The following TMCC3 variants were observed in gnomAD, a reference collection of about 807,000 sequenced individuals.
TMCC3 encodes transmembrane and coiled-coil domain protein 3.
A neutral mutation model predicts 40.2 loss-of-function variants in TMCC3; 28 were observed. That is an observed-to-expected ratio of 0.70 (90% CI 0.52 to 0.95). The LOEUF (loss-of-function observed/expected upper bound fraction) is 0.95. TMCC3 is among the 40% of genes least tolerant of loss of function. The pLI is 0.00. For missense variants in TMCC3, 554 were observed against 615.2 expected (o/e 0.90, Z 1.05); for synonymous variants, 255 against 248.5 (o/e 1.03, Z -0.25).
intron 1 of TMCC3, among the ~76,000 whole-genome samples, chr12:94,641,169 C>G (rs1157404669): frequency 6.6e-6 from 1 of 151,040 alleles, no homozygotes; most frequent in Non-Finnish European, 1.5e-5. Context: ...CACTGCACTC[C>G]AGCCTGGGTG....
At chr12:94,625,576 A>G (rs7978996) in intron 1 of TMCC3, among the ~76,000 whole-genome samples, 49,245 of 146,452 alleles carry the variant, frequency 0.34, 8,824 homozygotes, top group Admixed American at 0.45. Flanking sequence ...TCTGGGCAAC[A>G]GAGCAAGACT....
At chr12:94,578,165 A>AAAGAAAG (rs1555281323) in intron 3 of TMCC3, among the ~76,000 whole-genome samples, 5 of 123,422 alleles carry the variant, frequency 4.1e-5, no homozygotes, top group South Asian at 5.4e-4. Flanking sequence ...AAAAAAAAAA[A>AAAGAAAG]AAAGAAAAAG....
chr12:94,570,588 G>C lies in TMCC3; in HGVS notation c.*847C>G, dbSNP rs778818593. The C allele has an allele frequency of 1.4e-4, 21 of 152,424 alleles. No homozygotes were observed. Among genetic ancestry groups the C allele is most frequent in the Admixed American group, 3.3e-4 (5 of 15,284 alleles). The allele number at this position is 152,424 out of a possible 1,614,324, so 9.4% of individuals were successfully genotyped here. On this transcript the variant is annotated 3_prime_UTR_variant, in exon 4 of 4. Transcript: ENST00000261226. ...CCTGAGCAATATTTAGCAGAGCCCTGTCTCAAAAAAGAAAAAAGATTTGCC... is the reference window on the plus strand; with the variant it reads ...CCTGAGCAATATTTAGCAGAGCCCTCTCTCAAAAAAGAAAAAAGATTTGCC...
rs112910497 is a variant in TMCC3 at position 94,610,774 on chromosome 12, C to A, written c.79-28236G>T. On this transcript the variant is annotated intron_variant, in intron 1 of 3. Coordinates refer to ENST00000261226, the MANE Select transcript of TMCC3 (RefSeq NM_020698.4). The stretch of plus-strand genomic sequence containing the variant: ...GACGCAGGGCTATGCCTACTGTGCA[C>A]GCTCATCTGTGCTTAAACGAGGGGT... Among the ~76,000 whole-genome samples, 759 of 152,242 alleles carry A rather than the reference C, an allele frequency of 5.0e-3. 6 individuals are homozygous for A. The highest frequency in any genetic ancestry group is 0.017 in the African/African-American group (713 of 41,514).
Position 94,650,425 on chromosome 12 carries a change from C to A in TMCC3, c.6G>T (p.Pro2=), listed in dbSNP as rs2069050875. 7.7e-6 allele frequency: 10 copies of A among 1,297,404 alleles called. No homozygotes were observed. Among genetic ancestry groups the A allele is most frequent in the South Asian group, 2.1e-5 (1 of 47,160 alleles). 80.4% of individuals were successfully genotyped at this position (1,297,404 alleles called of 1,614,324 possible). The part of the protein sequence containing the change: M[P]GSDTALTVDR... ...CCACGGTGAGCGCCGTGTCGCTGCC[C>A]GGCATCTCCGCGCTCCGGCCGCGAA... The change falls in exon 1 of 4, where the codon CCG becomes CCT. Residue 2 remains proline (P), a synonymous_variant. Coordinates refer to ENST00000261226, the MANE Select transcript of TMCC3 (RefSeq NM_020698.4).
Position 94,616,000 on chromosome 12 carries a change from G to C in TMCC3, c.79-33462C>G, listed in dbSNP as rs76677787. On this transcript the variant is annotated intron_variant, in intron 1 of 3. Transcript: ENST00000261226. ...CCTCCTGCCCGAGGCATTTGAATCT[G>C]CAAGGCAGGCAGGCTAGATATTCCA... 9,065 of 985,378 alleles carry C rather than the reference G, an allele frequency of 9.2e-3. 50 individuals carry two copies. Among genetic ancestry groups the C allele is most frequent in the Non-Finnish European group, 1.0e-2 (8,289 of 829,938 alleles). 61.0% of individuals were successfully genotyped at this position (985,378 alleles called of 1,614,324 possible).
chr12:94,640,717 G>A (rs1285392153), intron 1 of TMCC3, among the ~76,000 whole-genome samples: 1 of 152,162 alleles, frequency 6.6e-6, no homozygotes, highest in East Asian at 1.9e-4. Flanking sequence ...AACAACAAAT[G>A]TTGTAATGGG....
At chr12:94,580,161 C>A (rs1371043562) in intron 2 of TMCC3, among the ~76,000 whole-genome samples, 5 of 152,110 alleles carry the variant, frequency 3.3e-5, no homozygotes, top group African/African-American at 7.2e-5. Context: ...ATTTTATCTA[C>A]CTTTTTAGAA....
Position 94,650,523 on chromosome 12 carries a change from G to C in TMCC3, c.-93C>G. 2.9e-6 allele frequency: 3 copies of C among 1,039,360 alleles called. No individual in the cohort carries two copies. Among genetic ancestry groups the C allele is most frequent in the Non-Finnish European group, 3.6e-6 (3 of 822,032 alleles). The allele number at this position is 1,039,360 out of a possible 1,614,324, so 64.4% of individuals were successfully genotyped here. A position where few individuals can be genotyped will look rare whatever the true frequency, so the allele number is the denominator to read the frequency against. On this transcript the variant is annotated 5_prime_UTR_variant, in exon 1 of 4. Coordinates refer to ENST00000261226, the MANE Select transcript of TMCC3 (RefSeq NM_020698.4). ...CGGGATCACCCTGGGAGCCGCGGGC[G>C]AGGGGGCGGCGCGGCTGCTGCAGCT...
chr12:94,612,665 A>T (rs955277933), intron 1 of TMCC3, among the ~76,000 whole-genome samples: 6 of 152,242 alleles, frequency 3.9e-5, no homozygotes, highest in Admixed American at 6.5e-5. Flanking sequence ...CTACAACTAC[A>T]AAAAAGGAAT....
Position 94,582,191 on chromosome 12 carries a change from C to A in TMCC3, c.426G>T (p.Glu142Asp). 1 of 1,614,164 alleles carries A rather than the reference C, an allele frequency of 6.2e-7. No individual in the cohort carries two copies. The highest frequency in any genetic ancestry group is 8.5e-7 in the Non-Finnish European group (1 of 1,180,016). ...KLEQYHRKLREIEQNGASRSS... is the reference protein window; with the variant it reads ...KLEQYHRKLRDIEQNGASRSS... ...TCCTAGAGGCTCCATTCTGCTCGAT[C>A]TCTCTGAGCTTTCGATGATACTGCT... Residue 142 changes from glutamate to aspartate, a missense_variant, in exon 2 of 4, where the codon GAG becomes GAT. Physicochemically the swap from Glu to Asp is conservative, Grantham distance 45. Coordinates refer to ENST00000261226, the MANE Select transcript of TMCC3 (RefSeq NM_020698.4).
chr12:94,584,659 A>G (rs780019590), intron 1 of TMCC3, among the ~76,000 whole-genome samples: 7 of 151,194 alleles, frequency 4.6e-5, no homozygotes, highest in Non-Finnish European at 8.8e-5. Flanking sequence ...CACAACTTAC[A>G]AACATTCGTT....
chr12:94,586,423 A>G (rs563696250), intron 1 of TMCC3, among the ~76,000 whole-genome samples: 1 of 152,188 alleles, frequency 6.6e-6, no homozygotes, highest in African/African-American at 2.4e-5. Flanking sequence ...AACCGCATAC[A>G]TTAGTTTTGC....
Position 94,648,220 on chromosome 12 carries a change from TTTTA to T in TMCC3, c.78+2129_78+2132del, listed in dbSNP as rs201121413. Among the ~76,000 whole-genome samples the T allele has an allele frequency of 8.4e-3, 1,264 of 149,630 alleles. 20 individuals carry two copies. Among genetic ancestry groups the T allele is most frequent in the African/African-American group, 0.027 (1,075 of 40,346 alleles). ...TACAATAACATTGTCAGTAGAATTG[TTTTA>T]TTTATTTATTTATTTATTTATTTAT... On this transcript the variant is annotated intron_variant, in intron 1 of 3. Coordinates refer to ENST00000261226, the MANE Select transcript of TMCC3 (RefSeq NM_020698.4).
At chr12:94,577,311 C>A (rs186703879) in intron 3 of TMCC3, among the ~76,000 whole-genome samples, 1 of 152,074 alleles carries the variant, frequency 6.6e-6, no homozygotes, top group African/African-American at 2.4e-5. Flanking sequence ...GCCTCAGCCT[C>A]CCGAGTAGCT....
chr12:94,616,042 T>C, intron 1 of TMCC3: 1 of 985,348 alleles, frequency 1.0e-6, no homozygotes, highest in Non-Finnish European at 1.2e-6. Flanking sequence ...ACCTACCATA[T>C]GACTCAGCCT....
intron 1 of TMCC3, among the ~76,000 whole-genome samples, chr12:94,648,577 TAATAG>T (rs2069034034): frequency 6.6e-6 from 1 of 152,204 alleles, no homozygotes; most frequent in South Asian, 2.1e-4. Context: ...TTTGACCTTT[TAATAG>T]AAAAGACTGG....
In TMCC3 at chr12:94,620,686, A is replaced by T. The variant is rs369244469; in HGVS notation, c.78+29667T>A. 2.0e-4 allele frequency among the ~76,000 whole-genome samples: 30 copies of T among 152,304 alleles called. No homozygotes were observed. The East Asian group carries it at 4.8e-3, about 24-fold the overall frequency. ...TTAGAGCTACTAAACACTTCATTAA[A>T]CAATATCACTTAATCTTTGCTAAAC... On this transcript the variant is annotated intron_variant, in intron 1 of 3. Transcript: ENST00000261226.
In TMCC3 at chr12:94,569,591, G is replaced by A. The variant is rs1242750741; in HGVS notation, c.*1844C>T. On this transcript the variant is annotated 3_prime_UTR_variant, in exon 4 of 4. Transcript: ENST00000261226. ...AAAAGCGTGAGTCTGGAATTAGATA[G>A]TGGTGATGGTTGAACAAGTTTGTGA... 1 of 152,088 alleles carries A rather than the reference G, an allele frequency of 6.6e-6. No homozygotes were observed. The highest frequency in any genetic ancestry group is 2.1e-4 in the South Asian group (1 of 4,824). The allele number at this position is 152,088 out of a possible 1,614,324, so 9.4% of individuals were successfully genotyped here.
Sources: allele counts gnomAD v4.1 joint callset (sites outside exome capture counted in the v4.1 genomes callset), GRCh38; gene constraint gnomAD v4.1.1; transcripts MANE v1.5; gene names NCBI Gene and HGNC (gene_info 2026-07-23, HGNC 2026-07-21).